RHBDD1: variants seen among roughly 807,000 people sequenced by gnomAD.
RHBDD1 encodes the protein rhomboid domain containing 1.
Under a neutral mutation model 36.3 loss-of-function variants are expected in RHBDD1, and 38 were observed. The ratio of observed to expected loss-of-function variants is 1.05; its 90% CI spans 0.81 to 1.37. The LOEUF (loss-of-function observed/expected upper bound fraction) is 1.37. Among genes scored for constraint, RHBDD1 ranks in the 40% most tolerant of loss-of-function variants. RHBDD1 has a pLI of 0.00. For missense variants in RHBDD1, 393 were observed against 377.6 expected (o/e 1.04, Z -0.34); for synonymous variants, 151 against 136.5 (o/e 1.11, Z -0.74).
chr2:226,913,918 A>G (rs186002425), intron 7 of RHBDD1, among the ~76,000 whole-genome samples: 1 of 152,248 alleles, frequency 6.6e-6, no homozygotes, highest in East Asian at 1.9e-4. Flanking sequence ...AATCCACTCC[A>G]TATGTCAATA....
chr2:226,989,806 C>T (rs918058444), intron 8 of RHBDD1, among the ~76,000 whole-genome samples: 1 of 152,104 alleles, frequency 6.6e-6, no homozygotes, highest in Admixed American at 6.6e-5. Flanking sequence ...AAAAGTACAA[C>T]AGGTAAAGTG....
intron 3 of RHBDD1, among the ~76,000 whole-genome samples, chr2:226,846,765 AGG>A (rs1942269931): frequency 6.7e-6 from 1 of 149,150 alleles, no homozygotes; most frequent in Non-Finnish European, 1.5e-5. Flanking sequence ...AAAAAAAAAA[AGG>A]AAATGTAAGA....
chr2:226,911,761 T>A (rs2125687694), intron 7 of RHBDD1, among the ~76,000 whole-genome samples: 1 of 152,188 alleles, frequency 6.6e-6, no homozygotes, highest in Admixed American at 6.5e-5. Context: ...TAAGCCATTG[T>A]GAGGATTTGG....
intron 8 of RHBDD1, among the ~76,000 whole-genome samples, chr2:226,918,915 A>C (rs981980890): frequency 6.6e-6 from 1 of 152,028 alleles, no homozygotes; most frequent in Non-Finnish European, 1.5e-5. Context: ...GGTTGTACTA[A>C]TTTACATTCA....
At chr2:226,820,656 A>G in the RHBDD1 span, among the ~76,000 whole-genome samples, 22,745 of 146,942 alleles carry the variant, frequency 0.15, 2,263 homozygotes, top group African/African-American at 0.33. Flanking sequence ...AAAAAAAAAA[A>G]AAAAAAAAAA....
chr2:226,943,951 G>A (rs1950818043), intron 8 of RHBDD1, among the ~76,000 whole-genome samples: 1 of 152,150 alleles, frequency 6.6e-6, no homozygotes, highest in African/African-American at 2.4e-5. Flanking sequence ...GTGGACTTCT[G>A]GATTTCTCTG....
At chr2:226,808,914 A>G in the RHBDD1 span, among the ~76,000 whole-genome samples, 1 of 152,302 alleles carries the variant, frequency 6.6e-6, no homozygotes, top group South Asian at 2.1e-4. Flanking sequence ...CACAGATTGA[A>G]ATACTGTGGC....
At chr2:226,860,336 A>G (rs191203109) in intron 3 of RHBDD1, among the ~76,000 whole-genome samples, 141 of 152,262 alleles carry the variant, frequency 9.3e-4, no homozygotes, top group African/African-American at 3.3e-3. Context: ...TACATAAACC[A>G]TTTCCAAAAC....
the RHBDD1 span, among the ~76,000 whole-genome samples, chr2:226,828,738 A>G: frequency 6.6e-6 from 1 of 152,166 alleles, no homozygotes; most frequent in East Asian, 1.9e-4. Context: ...TCTTTTGCCC[A>G]CTTTTTAACT....
rs567445523 is a variant in RHBDD1 at position 226,888,319 on chromosome 2, G to A, written c.567-18474G>A. Among the ~76,000 whole-genome samples the A allele has an allele frequency of 3.3e-5, 5 of 152,238 alleles. No homozygotes were observed. In the East Asian group the frequency reaches 5.8e-4, roughly 18 times the overall value. ...CTGAATAAAATCTACAACTTCAGAT[G>A]TGATAGTGTTACAGAAATTAGAATA... On this transcript the variant is annotated intron_variant, in intron 5 of 8. Coordinates refer to ENST00000392062, the MANE Select transcript of RHBDD1 (RefSeq NM_001167608.3).
intron 8 of RHBDD1, among the ~76,000 whole-genome samples, chr2:226,939,129 C>G (rs987607562): frequency 2.6e-5 from 4 of 152,126 alleles, no homozygotes; most frequent in African/African-American, 9.7e-5. Flanking sequence ...AAACATACCT[C>G]CAAATAATAA....
At chr2:226,870,862 T>C (rs1944744317) in intron 5 of RHBDD1, among the ~76,000 whole-genome samples, 1 of 152,138 alleles carries the variant, frequency 6.6e-6, no homozygotes, top group Non-Finnish European at 1.5e-5. Context: ...CATCTTCACA[T>C]TGAGGAGGAG....
At chr2:226,899,085 G>C (rs566632997) in intron 5 of RHBDD1, among the ~76,000 whole-genome samples, 4 of 152,310 alleles carry the variant, frequency 2.6e-5, no homozygotes, top group South Asian at 4.1e-4. Context: ...GCTTGTCACA[G>C]CTTTCAGTCA....
chr2:226,876,564 G>A (rs1945257913), intron 5 of RHBDD1, among the ~76,000 whole-genome samples: 1 of 152,146 alleles, frequency 6.6e-6, no homozygotes, highest in Non-Finnish European at 1.5e-5. Context: ...TTAACTTATT[G>A]TAGCTACTTA....
At chr2:226,801,800 A>G in the RHBDD1 span, among the ~76,000 whole-genome samples, 3 of 152,148 alleles carry the variant, frequency 2.0e-5, no homozygotes, top group Non-Finnish European at 4.4e-5. Context: ...GGAAAAGTGT[A>G]ACTGTGTGCC....
intron 5 of RHBDD1, among the ~76,000 whole-genome samples, chr2:226,883,495 G>A (rs528034853): frequency 6.6e-6 from 1 of 152,274 alleles, no homozygotes; most frequent in East Asian, 1.9e-4. Context: ...AGAGAAGAGC[G>A]GTAGGTAGAA....
intron 8 of RHBDD1, among the ~76,000 whole-genome samples, chr2:226,953,959 G>T (rs199882343): frequency 6.6e-6 from 1 of 152,144 alleles, no homozygotes; most frequent in Admixed American, 6.5e-5. Flanking sequence ...TGGGAAGAGG[G>T]TGGGTGGCAC....
At chr2:226,938,744 G>GAA (rs368189548) in intron 8 of RHBDD1, among the ~76,000 whole-genome samples, 8 of 144,172 alleles carry the variant, frequency 5.5e-5, no homozygotes, top group African/African-American at 2.0e-4. Flanking sequence ...AAAAATGAAA[G>GAA]AAAAAAAAAA....
chr2:226,871,823 A>G (rs1254567684), intron 5 of RHBDD1, among the ~76,000 whole-genome samples: 1 of 152,240 alleles, frequency 6.6e-6, no homozygotes, highest in Non-Finnish European at 1.5e-5. Context: ...GGAAGGACAT[A>G]CATGCCAGGT....
Sources: gnomAD v4.1 joint callset for allele counts (sites outside exome capture counted in the v4.1 genomes callset) on GRCh38, gnomAD v4.1.1 for gene constraint, MANE v1.5 for transcripts, NCBI Gene and HGNC (gene_info 2026-07-23, HGNC 2026-07-21) for gene names.